PARVG: variants seen among roughly 807,000 people sequenced by gnomAD.
PARVG encodes the protein parvin gamma.
A neutral mutation model predicts 44.4 loss-of-function variants in PARVG; 36 were observed. The observed-to-expected ratio is 0.81, with a 90% confidence interval of 0.62 to 1.07. The LOEUF is 1.07. Among genes scored for constraint, PARVG ranks in the 50% least tolerant of loss-of-function variants. The probability of loss-of-function intolerance (pLI) is 0.00; values close to 1 mark genes in which losing one functional copy is unlikely to be tolerated. For missense variants in PARVG, 407 were observed against 407.4 expected, an observed-to-expected ratio of 1.00 and a Z score of 0.01; for synonymous variants, 170 against 174.1, an observed-to-expected ratio of 0.98 and a Z score of 0.19.
chr22:44,198,473 G>A (rs2054647340), intron 11 of PARVG, 148 bp from the exon 12 acceptor site: 3 of 669,196 alleles, frequency 4.5e-6, no homozygotes, highest in Non-Finnish European at 8.0e-6. Flanking sequence ...AACCCTGTGA[G>A]GTCAGGCATG....
At chr22:44,175,911 C>G (rs981304434) in intron 1 of PARVG, among the ~76,000 whole-genome samples, 1 of 152,190 alleles carries the variant, frequency 6.6e-6, no homozygotes, top group East Asian at 1.9e-4. Flanking sequence ...TTTAGGTGGC[C>G]ATGTGGCTGG....
intron 3 of PARVG, 140 bp from the exon 4 acceptor site, chr22:44,185,667 GA>G (rs2054454274): frequency 3.1e-6 from 2 of 641,626 alleles, no homozygotes. Flanking sequence ...TGAGGGAAAT[GA>G]GGGAAAGCAC....
At position 44,187,879 on chromosome 22, in the gene PARVG, G is replaced by A. The variant is rs773518656; in HGVS notation, c.247+1G>A. On this transcript the variant is annotated splice_donor_variant, in intron 5 of 13. Transcript: ENST00000444313. LOFTEE classifies it high-confidence loss of function. ...GGGCTCATCCTACACCACCTATTCC[G>A]TAAGTGGCTGTTTCTGGGGCTGCCT... is the stretch of plus-strand genomic sequence containing the variant. 17 of 1,613,944 alleles carry A rather than the reference G, an allele frequency of 1.1e-5. No homozygotes were observed. The highest frequency in any genetic ancestry group is 4.0e-5 in the African/African-American group (3 of 74,946).
chr22:44,174,098 A>G (rs2054296029), intron 1 of PARVG, among the ~76,000 whole-genome samples: 2 of 152,172 alleles, frequency 1.3e-5, no homozygotes, highest in African/African-American at 4.8e-5. Context: ...GTCGTTTACC[A>G]AGGGTCTGGT....
intron 4 of PARVG, chr22:44,186,623 G>T (rs973751558): frequency 2.1e-6 from 1 of 471,210 alleles, no homozygotes; most frequent in Admixed American, 2.3e-5. Context: ...ACCATCTGTG[G>T]TCTTGCCCGG....
chr22:44,182,152 C>CA lies in PARVG; in HGVS notation c.-13+237dup, dbSNP rs1371888436. Among the ~76,000 whole-genome samples the CA allele has an allele frequency of 6.6e-6, 1 of 152,222 alleles. No homozygotes were observed. Among genetic ancestry groups the CA allele is most frequent in the East Asian group, 1.9e-4 (1 of 5,182 alleles). On this transcript the variant is annotated intron_variant, in intron 2 of 13. Coordinates refer to ENST00000444313, the MANE Select transcript of PARVG (RefSeq NM_022141.7). This position sits in a 1 kb window ranked among gnomAD's most constrained non-coding sequence, Gnocchi z 4.6. Reference sequence around the variant, plus strand: ...GGAGTTGCCGCCTCTGAACTTCAGCCAACCCCTCCGTCTCCAGGTGAAGAA... The same window carrying CA: ...GGAGTTGCCGCCTCTGAACTTCAGCCAAACCCCTCCGTCTCCAGGTGAAGAA...
At chr22:44,181,538 T>G in intron 1 of PARVG, 1 of 573,984 alleles carries the variant, frequency 1.7e-6, no homozygotes, top group Non-Finnish European at 2.2e-6. Context: ...GCTGCCATTT[T>G]GGAGGTGAAC....
At chr22:44,201,292 C>T (rs767887773) in intron 12 of PARVG, among the ~76,000 whole-genome samples, 1 of 152,190 alleles carries the variant, frequency 6.6e-6, no homozygotes, top group Non-Finnish European at 1.5e-5. Flanking sequence ...CCCTCCTTGC[C>T]CCTGTGAGAG....
At chr22:44,189,801 C>T (rs2054523827) in intron 6 of PARVG, among the ~76,000 whole-genome samples, 1 of 152,178 alleles carries the variant, frequency 6.6e-6, no homozygotes. Context: ...CCTGTAATCC[C>T]AGCTACTCAG....
chr22:44,208,033 AC>A lies in PARVG; in HGVS notation c.*1608del. ...AAATCCTCTCCTGGAGCTTCTGGGG[AC>A]ACAGGCTCAGCCTCTCTCAGCTGGC... On this transcript the variant is annotated 3_prime_UTR_variant, in exon 14 of 14. Transcript: ENST00000444313. 6.6e-6 allele frequency: 1 copy of A among 152,316 alleles called. No individual in the cohort carries two copies. The highest frequency in any genetic ancestry group is 1.9e-4 in the East Asian group (1 of 5,172). The allele number at this position is 152,316 out of a possible 1,614,324, so 9.4% of individuals were successfully genotyped here.
rs201176117 is a variant in PARVG, at chr22:44,189,248, G to A, written c.382G>A (p.Val128Met). The A allele has an allele frequency of 3.0e-4, 481 of 1,613,902 alleles. 2 individuals are homozygous for A. Among genetic ancestry groups the A allele is most frequent in the Admixed American group, 8.5e-4 (51 of 60,006 alleles). Residue 128 changes from valine (V) to methionine (M), a missense_variant, in exon 6 of 14, where the codon GTG (valine) becomes ATG (methionine). Val to Met is a conservative substitution (Grantham distance 21). Transcript: ENST00000444313. ...QLEEWQAKWS[V>M]ESIFNKDLLS... Reference sequence around the variant, plus strand: ...GGAGGAGTGGCAGGCCAAGTGGAGCGTGGAGAGTACGTGGGCCACAACCTG... The same window carrying A: ...GGAGGAGTGGCAGGCCAAGTGGAGCATGGAGAGTACGTGGGCCACAACCTG...
chr22:44,180,807 C>G (rs951437035), upstream of PARVG: 1 of 419,426 alleles, frequency 2.4e-6, no homozygotes, highest in Non-Finnish European at 3.2e-6. Context: ...ACACTCCTTA[C>G]ACCTGCATCC....
chr22:44,199,342 CATCT>C (rs2054674420), intron 12 of PARVG, among the ~76,000 whole-genome samples: 1 of 152,004 alleles, frequency 6.6e-6, no homozygotes, highest in Non-Finnish European at 1.5e-5. Context: ...GTCATGCATC[CATCT>C]GTTTGTCCTT....
chr22:44,192,835 T>A (rs1601738697), intron 8 of PARVG, among the ~76,000 whole-genome samples: 1 of 152,190 alleles, frequency 6.6e-6, no homozygotes, highest in African/African-American at 2.4e-5. Context: ...AGCATGGCTG[T>A]CCTGCTCCCC....
At chr22:44,201,893 C>A (rs1470985360) in intron 12 of PARVG, among the ~76,000 whole-genome samples, 2 of 152,218 alleles carry the variant, frequency 1.3e-5, no homozygotes, top group Admixed American at 1.3e-4. Context: ...ATGGCAGACA[C>A]ATGAGAGACC....
chr22:44,190,554 T>C lies in PARVG; in HGVS notation c.392T>C (p.Ile131Thr). 6.2e-7 allele frequency: 1 copy of C among 1,613,816 alleles called. No individual in the cohort carries two copies. Among genetic ancestry groups the C allele is most frequent in the Non-Finnish European group, 8.5e-7 (1 of 1,179,680 alleles). ...EWQAKWSVESIFNKDLLSTLH... is the reference protein window; with the variant it reads ...EWQAKWSVESTFNKDLLSTLH... Reference sequence around the variant, plus strand: ...CCTGTCTCCACTCTCTTCCCAGGCATCTTCAACAAGGACCTGTTGTCTACC... The same window carrying C: ...CCTGTCTCCACTCTCTTCCCAGGCACCTTCAACAAGGACCTGTTGTCTACC... Residue 131 changes from isoleucine to threonine, a missense_variant, in exon 7 of 14, where the codon ATC (isoleucine) becomes ACC (threonine). Physicochemically the swap from Ile to Thr is moderately conservative, Grantham distance 89 (BLOSUM62 -1). Coordinates refer to ENST00000444313, the MANE Select transcript of PARVG (RefSeq NM_022141.7).
At chr22:44,173,158 C>T (rs1158286639) in exon 1 of PARVG, 1 of 1,282,652 alleles carries the variant, frequency 7.8e-7, no homozygotes, top group Non-Finnish European at 1.0e-6. Context: ...GCTGGGACCA[C>T]AAGGAGAAGA....
intron 2 of PARVG, 52 bp downstream of exon 2, chr22:44,181,969 G>C (rs1278993522): frequency 2.0e-6 from 2 of 984,672 alleles, no homozygotes; most frequent in Non-Finnish European, 2.4e-6. Context: ...GTCACGGAGG[G>C]AGGGGCCCAG....
At chr22:44,177,887 T>G (rs527368812), upstream of PARVG, among the ~76,000 whole-genome samples, 128 of 152,274 alleles carry the variant, frequency 8.4e-4, 1 homozygote, top group African/African-American at 3.0e-3. Flanking sequence ...ATTACTTAGT[T>G]AATATAGTGT....
Sources: gnomAD v4.1 joint callset for allele counts (sites outside exome capture counted in the v4.1 genomes callset) on GRCh38, gnomAD v4.1.1 for gene constraint, Gnocchi (gnomAD v3.1) non-coding constraint, MANE v1.5 for transcripts, NCBI Gene and HGNC (gene_info 2026-07-23, HGNC 2026-07-21) for gene names.